HSPG2: variants seen among roughly 807,000 people sequenced by gnomAD.
HSPG2 encodes basement membrane-specific heparan sulfate proteoglycan core protein.
Under a neutral mutation model 526.6 loss-of-function variants are expected in HSPG2, and 278 were observed. The ratio of observed to expected loss-of-function variants is 0.53; its 90% CI spans 0.48 to 0.58. The LOEUF (loss-of-function observed/expected upper bound fraction) is 0.58, where lower values mean the gene tolerates loss of function less well. Ranked by LOEUF, HSPG2 falls within the 20% of genes least tolerant of loss-of-function variation. HSPG2 has a pLI of 0.00. For missense variants in HSPG2, 5,354 were observed against 6,099.5 expected, an observed-to-expected ratio of 0.88 and a Z score of 4.07; for synonymous variants, 2,465 against 2,555.4, an observed-to-expected ratio of 0.96 and a Z score of 1.07.
chr1:21,893,597 G>T lies in HSPG2; in HGVS notation c.244+2325C>A, dbSNP rs1642522128. 6.6e-6 allele frequency among the ~76,000 whole-genome samples: 1 copy of T among 152,066 alleles called. No individual in the cohort carries two copies. Among genetic ancestry groups the T allele is most frequent in the Non-Finnish European group, 1.5e-5 (1 of 68,000 alleles). ...GGGCCTGGGTCACTTACTGAGAGGG[G>T]ACTCCTCATCAGGCTCCGAGACCAT... On this transcript the variant is annotated intron_variant, in intron 3 of 96. Coordinates refer to ENST00000374695, the MANE Select transcript of HSPG2 (RefSeq NM_005529.7). The surrounding 1 kb of genome is among the most constrained non-coding windows in gnomAD (Gnocchi z 4.3).
chr1:21,869,092 AG>A (rs1640456785), intron 33 of HSPG2: 2 of 188,706 alleles, frequency 1.1e-5, no homozygotes, highest in Non-Finnish European at 9.8e-6. Flanking sequence ...AGAGAGACAG[AG>A]CCCCCCACTC....
At position 21,855,676 on chromosome 1, in the gene HSPG2, C is replaced by A; in HGVS notation, c.5702-1G>T. ...GCAGGGAGCTGGCCGCCGGGGCCCC[C>A]TGACGAGTAGACGTGGGGTCAGCAC... On this transcript the variant is annotated splice_acceptor_variant, in intron 45 of 96. Coordinates refer to ENST00000374695, the MANE Select transcript of HSPG2 (RefSeq NM_005529.7). LOFTEE classifies it high-confidence loss of function. 2 of 1,578,074 alleles carry A rather than the reference C, an allele frequency of 1.3e-6. No individual in the cohort carries two copies. Among genetic ancestry groups the A allele is most frequent in the East Asian group, 4.6e-5 (2 of 43,354 alleles).
chr1:21,876,797 G>T, intron 21 of HSPG2, 145 bp from the exon 22 acceptor site: 1 of 1,082,720 alleles, frequency 9.2e-7, no homozygotes, highest in Non-Finnish European at 1.4e-6. Context: ...GGTGGCTCAC[G>T]CCTGTAATCC....
rs2097989711 is a variant in HSPG2, at chr1:21,828,994, G to A, written c.12078C>T (p.Ser4026=). Residue 4026 remains serine, a synonymous_variant, in exon 88 of 97, where the codon AGC becomes AGT. Coordinates refer to ENST00000374695, the MANE Select transcript of HSPG2 (RefSeq NM_005529.7). This position sits in a 1 kb window ranked among gnomAD's most constrained non-coding sequence, Gnocchi z 6.0. ...VSAERLNKDG[S]LRVNGGRPVL... is the part of the protein sequence containing the mutation. The stretch of plus-strand genomic sequence containing the variant: ...CAGGGCGTCCACCATTCACCCGCAG[G>A]CTGCCGTCCTTGTTGAGACGCTCTG... The A allele has an allele frequency of 6.4e-7, 1 of 1,570,518 alleles. No individual in the cohort carries two copies. Among genetic ancestry groups the A allele is most frequent in the East Asian group, 2.4e-5 (1 of 42,440 alleles).
In HSPG2 at chr1:21,853,023, C is replaced by T. The variant is rs777503522; in HGVS notation, c.6487G>A (p.Val2163Met). 1.5e-5 allele frequency: 25 copies of T among 1,613,776 alleles called. No homozygotes were observed. Among genetic ancestry groups the T allele is most frequent in the Admixed American group, 8.3e-5 (5 of 60,010 alleles). Residue 2163 changes from valine to methionine, a missense_variant, in exon 51 of 97, where the codon GTG (valine) becomes ATG (methionine). Transcript: ENST00000374695. ...AGATCCAGGGTCTGCCCTTCCGCCA[C>T]GTGTGAGGAGGAGGGCTCGATGCGG... is the stretch of plus-strand genomic sequence containing the variant. The part of the protein sequence containing the change: ...PIRIEPSSSH[V>M]AEGQTLDLNC...
At position 21,887,202 on chromosome 1, in the gene HSPG2, C is replaced by A. The variant is rs1228079557; in HGVS notation, c.1078+13G>T. ...AGGGCAAGGGGGCCTCAGCTGGACCCTCGGATACTCACGGCAGTTGGCTTC... is the reference window on the plus strand; with the variant it reads ...AGGGCAAGGGGGCCTCAGCTGGACCATCGGATACTCACGGCAGTTGGCTTC... On this transcript the variant is annotated intron_variant, in intron 9 of 96. Coordinates refer to ENST00000374695, the MANE Select transcript of HSPG2 (RefSeq NM_005529.7). This position sits in a 1 kb window ranked among gnomAD's most constrained non-coding sequence, Gnocchi z 5.0. 1 of 1,605,168 alleles carries A rather than the reference C, an allele frequency of 6.2e-7. No homozygotes were observed. The highest frequency in any genetic ancestry group is 8.5e-7 in the Non-Finnish European group (1 of 1,176,784).
At chr1:21,843,461 G>T in intron 65 of HSPG2, 23 bp from the exon 66 acceptor site, 1 of 1,601,956 alleles carries the variant, frequency 6.2e-7, no homozygotes. Context: ...GGGTGAGAGC[G>T]GGGAGGGTGA....
In HSPG2 at chr1:21,831,056, C is replaced by A; in HGVS notation, c.11597G>T (p.Ser3866Ile). 1 of 1,594,254 alleles carries A rather than the reference C, an allele frequency of 6.3e-7. No individual in the cohort carries two copies. The highest frequency in any genetic ancestry group is 8.5e-7 in the Non-Finnish European group (1 of 1,170,680). ...GCCAGCTGGGCAGACGCACACGTAG[C>A]TGCTGCTCTCAGAGTCATGGCACTG... ...GGQCHDSESS[S>I]YVCVCPAGFT... Residue 3866 changes from serine (S) to isoleucine (I), a missense_variant, in exon 85 of 97, where the codon AGC (serine) becomes ATC (isoleucine). Physicochemically the swap from Ser to Ile is moderately radical, Grantham distance 142 (BLOSUM62 -2). Transcript: ENST00000374695.
At chr1:21,874,770 C>T (rs890409402) in intron 26 of HSPG2, 41 bp from the exon 27 acceptor site, 20 of 1,549,040 alleles carry the variant, frequency 1.3e-5, no homozygotes, top group East Asian at 4.7e-5. Context: ...CTTCCGAACA[C>T]GGCCCATTCA....
intron 9 of HSPG2, among the ~76,000 whole-genome samples, chr1:21,886,761 G>C (rs940594886): frequency 8.5e-5 from 13 of 152,136 alleles, no homozygotes; most frequent in African/African-American, 3.1e-4. Flanking sequence ...TGGGTGTATA[G>C]GTGGGTGCAT....
At chr1:21,896,089 C>A in intron 2 of HSPG2, 86 bp downstream of exon 2, 1 of 1,604,424 alleles carries the variant, frequency 6.2e-7, no homozygotes, top group South Asian at 1.1e-5. Flanking sequence ...TCGGAATGGT[C>A]GGTCACCCTC....
At chr1:21,853,508 C>CTTTTTTTAA in intron 50 of HSPG2, 1 of 191,160 alleles carries the variant, frequency 5.2e-6, no homozygotes, top group Non-Finnish European at 1.1e-5. Context: ...CTTTGGGAGG[C>CTTTTTTTAA]TGAGACGGTC....
intron 91 of HSPG2, chr1:21,825,019 T>A: frequency 1.8e-6 from 1 of 559,734 alleles, no homozygotes; most frequent in South Asian, 2.0e-5. Flanking sequence ...TTCAATGAGA[T>A]GTAGGCAAGA....
In HSPG2 at chr1:21,857,320, C is replaced by T. The variant is rs1639417212; in HGVS notation, c.5359G>A (p.Ala1787Thr). Residue 1787 changes from alanine (A) to threonine (T), a missense_variant, in exon 43 of 97, where the codon GCT becomes ACT. Ala to Thr is a moderately conservative substitution (Grantham distance 58). Coordinates refer to ENST00000374695, the MANE Select transcript of HSPG2 (RefSeq NM_005529.7). The stretch of plus-strand genomic sequence containing the variant: ...GCTGTGCAGATGAAGGTGACGTCAG[C>T]TCCGGGGCGCACGCTCTGGCTCCGC... The part of the protein sequence containing the change: ...EQRSQSVRPG[A>T]DVTFICTAKS... The T allele has an allele frequency of 1.2e-6, 2 of 1,614,026 alleles. No individual in the cohort carries two copies. The highest frequency in any genetic ancestry group is 1.7e-6 in the Non-Finnish European group (2 of 1,180,032).
At position 21,889,984 on chromosome 1, in the gene HSPG2, T is replaced by C. The variant is rs1642233719; in HGVS notation, c.571A>G (p.Thr191Ala). 9 of 1,614,008 alleles carry C rather than the reference T, an allele frequency of 5.6e-6. No homozygotes were observed. In the Middle Eastern group the frequency reaches 8.2e-4, roughly 148 times the overall value. Residue 191 changes from threonine to alanine, a missense_variant, in exon 6 of 97, where the codon ACA (threonine) becomes GCA (alanine). Thr to Ala is a moderately conservative substitution (Grantham distance 58, BLOSUM62 0). Coordinates refer to ENST00000374695, the MANE Select transcript of HSPG2 (RefSeq NM_005529.7). ...PQGFQFRRLG[T>A]VPQFPRACTE... is the part of the protein sequence containing the mutation. ...CCAGACACCAGGATAGGCTCACCTGTGCCCAGGCGTCGGAACTGGAATCCC... is the reference window on the plus strand; with the variant it reads ...CCAGACACCAGGATAGGCTCACCTGCGCCCAGGCGTCGGAACTGGAATCCC...
Position 21,847,391 on chromosome 1 carries a change from G to C in HSPG2, c.8127C>G (p.Ile2709Met), listed in dbSNP as rs547310973. 6.2e-7 allele frequency: 1 copy of C among 1,613,992 alleles called. No individual in the cohort carries two copies. Among genetic ancestry groups the C allele is most frequent in the Admixed American group, 1.7e-5 (1 of 60,030 alleles). ...CGGCGCTAGGGGAGACGGAGATGAC[G>C]ATGGAGGCCTCCAGGGCATCGATGT... Reference protein sequence around the residue: ...NNNIDALEASIVISVSPSAGS... With the variant: ...NNNIDALEASMVISVSPSAGS... The change falls in exon 62 of 97, where the codon ATC becomes ATG. Residue 2709 changes from isoleucine (I) to methionine (M), a missense_variant. Coordinates refer to ENST00000374695, the MANE Select transcript of HSPG2 (RefSeq NM_005529.7). This position sits in a 1 kb window ranked among gnomAD's most constrained non-coding sequence, Gnocchi z 4.1.
Position 21,855,624 on chromosome 1 carries a change from A to G in HSPG2, c.5753T>C (p.Leu1918Pro). ...CGTGGGCTCGACAGCTGGCAGGCGC[A>G]GGATGCCGCCGTGGATTTGTGCCTT... ...PAKAQIHGGI[L>P]RLPAVEPTDQ... is the part of the protein sequence containing the mutation. The change falls in exon 46 of 97, where the codon CTG (leucine) becomes CCG (proline). Residue 1918 changes from leucine to proline, a missense_variant. Leu to Pro is a moderately conservative substitution (Grantham distance 98). Coordinates refer to ENST00000374695, the MANE Select transcript of HSPG2 (RefSeq NM_005529.7). 1 of 1,577,586 alleles carries G rather than the reference A, an allele frequency of 6.3e-7. No individual in the cohort carries two copies. The highest frequency in any genetic ancestry group is 1.1e-5 in the South Asian group (1 of 87,122).
intron 33 of HSPG2, among the ~76,000 whole-genome samples, chr1:21,871,259 T>TA (rs375089750): frequency 4.6e-4 from 2 of 4,378 alleles, no homozygotes; most frequent in African/African-American, 8.0e-4. Flanking sequence ...AGAGTATTTG[T>TA]TTTTTTTTTT....
Position 21,904,008 on chromosome 1 carries a change from G to A in HSPG2, c.64-7698C>T, listed in dbSNP as rs957785383. ...AGAATCGATCAGATCTGTCCCATTT[G>A]GTTCAATTCAAGTCACTTCAACCTC... is the stretch of plus-strand genomic sequence containing the variant. On this transcript the variant is annotated intron_variant, in intron 1 of 96. Coordinates refer to ENST00000374695, the MANE Select transcript of HSPG2 (RefSeq NM_005529.7). The surrounding 1 kb of genome is among the most constrained non-coding windows in gnomAD (Gnocchi z 4.4). Among the ~76,000 whole-genome samples, 2 of 152,218 alleles carry A rather than the reference G, an allele frequency of 1.3e-5. No individual in the cohort carries two copies. Among genetic ancestry groups the A allele is most frequent in the Non-Finnish European group, 2.9e-5 (2 of 68,034 alleles).
Sources: allele counts gnomAD v4.1 joint callset (sites outside exome capture counted in the v4.1 genomes callset), GRCh38; gene constraint gnomAD v4.1.1; non-coding constraint Gnocchi (gnomAD v3.1); transcripts MANE v1.5; gene names NCBI Gene and HGNC (gene_info 2026-07-23, HGNC 2026-07-21).